SLC9A9: variants seen among roughly 807,000 people sequenced by gnomAD.
SLC9A9 encodes solute carrier family 9 member A9, also known as sodium/hydrogen exchanger 9.
In SLC9A9, 62 loss-of-function variants were observed where a neutral mutation model predicts 77.8. The ratio of observed to expected loss-of-function variants is 0.80; its 90% CI spans 0.65 to 0.98. The LOEUF (loss-of-function observed/expected upper bound fraction) is 0.98, where lower values mean the gene tolerates loss of function less well. Among genes scored for constraint, SLC9A9 ranks in the 50% least tolerant of loss-of-function variants. SLC9A9 has a pLI of 0.00. For synonymous variants in SLC9A9, 320 were observed against 283.5 expected (o/e 1.13, Z -1.29); for missense variants, 775 against 774.9 (o/e 1.00, Z 0.00).
At chr3:143,637,490 T>A (rs1231798613) in intron 6 of SLC9A9, among the ~76,000 whole-genome samples, 7 of 152,214 alleles carry the variant, frequency 4.6e-5, no homozygotes, top group Non-Finnish European at 1.5e-5. Context: ...TTTCCTATTT[T>A]GAATTTCTAT....
intron 12 of SLC9A9, among the ~76,000 whole-genome samples, chr3:143,405,861 A>G (rs1259309240): frequency 1.3e-5 from 2 of 152,202 alleles, no homozygotes; most frequent in Non-Finnish European, 2.9e-5. Flanking sequence ...TCTAACTAAA[A>G]TTGAATAGAT....
At chr3:143,390,811 C>T (rs1287724959) in intron 12 of SLC9A9, among the ~76,000 whole-genome samples, 1 of 152,210 alleles carries the variant, frequency 6.6e-6, no homozygotes, top group African/African-American at 2.4e-5. Flanking sequence ...ATATCCTGGG[C>T]CTGGCTCAGA....
intron 11 of SLC9A9, among the ~76,000 whole-genome samples, chr3:143,488,239 A>G (rs2035683354): frequency 1.3e-5 from 2 of 151,994 alleles, no homozygotes; most frequent in Non-Finnish European, 2.9e-5. Flanking sequence ...TACAACTAAT[A>G]AGAAGATTCA....
chr3:143,536,778 A>T lies in SLC9A9; in HGVS notation c.1089+15584T>A, dbSNP rs569584942. On this transcript the variant is annotated intron_variant, in intron 9 of 15. Coordinates refer to ENST00000316549, the MANE Select transcript of SLC9A9 (RefSeq NM_173653.4). The stretch of plus-strand genomic sequence containing the variant: ...GATAGTTCTAAGTCTCCACCTACTC[A>T]CACAGAATATAAAATCCCTTGCAGA... Among the ~76,000 whole-genome samples the T allele has an allele frequency of 2.0e-5, 3 of 152,324 alleles. No individual in the cohort carries two copies. In the South Asian group the frequency reaches 6.2e-4, roughly 32 times the overall value.
intron 12 of SLC9A9, among the ~76,000 whole-genome samples, chr3:143,407,076 A>G (rs561252734): frequency 6.6e-6 from 1 of 152,308 alleles, no homozygotes; most frequent in South Asian, 2.1e-4. Flanking sequence ...AGTGAAATGA[A>G]TCATCTTTAT....
intron 12 of SLC9A9, among the ~76,000 whole-genome samples, chr3:143,453,460 A>C (rs2035040713): frequency 6.6e-6 from 1 of 152,114 alleles, no homozygotes; most frequent in South Asian, 2.1e-4. Context: ...ATACATACAA[A>C]ATTTTAGGGA....
In SLC9A9 at chr3:143,743,241, GGATAGATAGATAGATA is replaced by G. The variant is rs71140453; in HGVS notation, c.534-49950_534-49935del. 2.6e-3 allele frequency among the ~76,000 whole-genome samples: 344 copies of G among 133,662 alleles called. 2 individuals carry two copies. Among genetic ancestry groups the G allele is most frequent in the African/African-American group, 7.0e-3 (246 of 35,300 alleles). The allele number at this position is 133,662 out of a possible 152,430, so 87.7% of individuals were successfully genotyped here. On this transcript the variant is annotated intron_variant, in intron 4 of 15. Transcript: ENST00000316549. ...TGGATGGATGGATGGATGGATGGATGGATAGATAGATAGATAGATAGATAGATAGATAGATAGATAG... is the reference window on the plus strand; with the variant it reads ...TGGATGGATGGATGGATGGATGGATGGATAGATAGATAGATAGATAGATAG...
At chr3:143,352,952 G>C (rs1351562253) in intron 14 of SLC9A9, among the ~76,000 whole-genome samples, 1 of 152,166 alleles carries the variant, frequency 6.6e-6, no homozygotes, top group Admixed American at 6.5e-5. Context: ...TTGGTTTCCT[G>C]CTGTCAATAA....
chr3:143,760,418 G>A lies in SLC9A9; in HGVS notation c.533+34583C>T, dbSNP rs549216250. Among the ~76,000 whole-genome samples, 24 of 152,208 alleles carry A rather than the reference G, an allele frequency of 1.6e-4. 1 individual carries two copies. The highest frequency in any genetic ancestry group is 2.6e-4 in the African/African-American group (11 of 41,530). On this transcript the variant is annotated intron_variant, in intron 4 of 15. Coordinates refer to ENST00000316549, the MANE Select transcript of SLC9A9 (RefSeq NM_173653.4). ...AGGAAGTCAAATTGTCCCTGTTTGC[G>A]GATGACATGATTGTATAGCTAGAAA...
At chr3:143,780,368 AT>A (rs1359786536) in intron 4 of SLC9A9, among the ~76,000 whole-genome samples, 2 of 152,348 alleles carry the variant, frequency 1.3e-5, no homozygotes, top group East Asian at 3.9e-4. Context: ...AACCAAAAAA[AT>A]AATGAAGATA....
At chr3:143,744,097 A>C (rs182924973) in intron 4 of SLC9A9, among the ~76,000 whole-genome samples, 180 of 152,350 alleles carry the variant, frequency 1.2e-3, no homozygotes, top group Non-Finnish European at 2.0e-3. Context: ...TATGTCCCAG[A>C]TACTGATAAC....
At chr3:143,654,699 C>G (rs1313556409) in intron 5 of SLC9A9, among the ~76,000 whole-genome samples, 1 of 152,128 alleles carries the variant, frequency 6.6e-6, no homozygotes, top group Non-Finnish European at 1.5e-5. Context: ...ACTTTAGACT[C>G]TGTAGCTGTT....
intron 12 of SLC9A9, among the ~76,000 whole-genome samples, chr3:143,464,852 G>A (rs899510337): frequency 6.6e-6 from 1 of 152,128 alleles, no homozygotes; most frequent in Non-Finnish European, 1.5e-5. Flanking sequence ...TTTCTGCCCT[G>A]TATCTATCTG....
intron 2 of SLC9A9, among the ~76,000 whole-genome samples, chr3:143,821,004 T>C (rs2009153169): frequency 6.6e-6 from 1 of 152,102 alleles, no homozygotes; most frequent in Middle Eastern, 3.4e-3. Flanking sequence ...AGGGAGCAAC[T>C]GGCCTGGGGA....
At chr3:143,569,406 G>T (rs1044608101) in intron 8 of SLC9A9, among the ~76,000 whole-genome samples, 1 of 151,208 alleles carries the variant, frequency 6.6e-6, no homozygotes, top group African/African-American at 2.4e-5. Flanking sequence ...ATAGGCAAAA[G>T]TTGATGGGTG....
intron 4 of SLC9A9, among the ~76,000 whole-genome samples, chr3:143,693,527 T>TTTATA (rs1386200267): frequency 6.6e-6 from 1 of 152,170 alleles, no homozygotes; most frequent in East Asian, 1.9e-4. Flanking sequence ...TGGTAAAAGG[T>TTTATA]AATGCAACAG....
At chr3:143,598,443 C>A (rs1174447903) in intron 6 of SLC9A9, among the ~76,000 whole-genome samples, 2 of 152,218 alleles carry the variant, frequency 1.3e-5, no homozygotes, top group Non-Finnish European at 2.9e-5. Flanking sequence ...TCACTTGAAG[C>A]TCAGGACACT....
intron 5 of SLC9A9, among the ~76,000 whole-genome samples, chr3:143,675,689 T>C (rs1426724153): frequency 6.6e-6 from 1 of 152,244 alleles, no homozygotes; most frequent in East Asian, 1.9e-4. Context: ...CTCATTATAC[T>C]TCAGAGTGAT....
Position 143,471,256 on chromosome 3 carries a change from T to C in SLC9A9, c.1316-4066A>G, listed in dbSNP as rs376689782. Among the ~76,000 whole-genome samples, 7 of 152,202 alleles carry C rather than the reference T, an allele frequency of 4.6e-5. No individual in the cohort carries two copies. In the East Asian group the frequency reaches 5.8e-4, roughly 13 times the overall value. On this transcript the variant is annotated intron_variant, in intron 11 of 15. Coordinates refer to ENST00000316549, the MANE Select transcript of SLC9A9 (RefSeq NM_173653.4). Reference sequence around the variant, plus strand: ...ATGTAGAACTCCAGATGAGGTGGACTATTGTCTATGTCCTACCCATCCTTT... The same window carrying C: ...ATGTAGAACTCCAGATGAGGTGGACCATTGTCTATGTCCTACCCATCCTTT...
Sources: gnomAD v4.1 joint callset for allele counts (sites outside exome capture counted in the v4.1 genomes callset) on GRCh38, gnomAD v4.1.1 for gene constraint, MANE v1.5 for transcripts, NCBI Gene and HGNC (gene_info 2026-07-23, HGNC 2026-07-21) for gene names.